The following PLEKHG4B variants were observed in gnomAD, a reference collection of about 807,000 sequenced individuals.
PLEKHG4B encodes the protein pleckstrin homology and RhoGEF domain containing G4B, also known as pleckstrin homology domain-containing family G member 4B.
Under a neutral mutation model 121.3 loss-of-function variants are expected in PLEKHG4B, and 111 were observed. The observed-to-expected ratio is 0.92, with a 90% CI of 0.78 to 1.07. PLEKHG4B has a LOEUF of 1.07. Ranked by LOEUF, PLEKHG4B falls within the 50% of genes least tolerant of loss-of-function variation. PLEKHG4B has a pLI of 0.00. For missense variants in PLEKHG4B, 1,831 were observed against 1,757.8 expected (o/e 1.04, Z -0.74); for synonymous variants, 738 against 725.0 (o/e 1.02, Z -0.29).
chr5:149,064 T>A (rs916892218), intron 6 of PLEKHG4B, among the ~76,000 whole-genome samples: 1 of 152,154 alleles, frequency 6.6e-6, no homozygotes, highest in East Asian at 1.9e-4. Context: ...ATATAAAAAA[T>A]TAACTCAAAT....
chr5:110,514 A>C (rs1206013002), intron 1 of PLEKHG4B, among the ~76,000 whole-genome samples: 1 of 146,934 alleles, frequency 6.8e-6, no homozygotes, highest in Non-Finnish European at 1.5e-5. Flanking sequence ...TCTGCAACAC[A>C]CATGCACACA....
At chr5:133,804 C>A (rs913660371) in intron 2 of PLEKHG4B, among the ~76,000 whole-genome samples, 4 of 151,528 alleles carry the variant, frequency 2.6e-5, no homozygotes, top group African/African-American at 9.7e-5. Flanking sequence ...TAAAAGAAGT[C>A]ATTATACAAA....
At position 163,189 on chromosome 5, in the gene PLEKHG4B, C is replaced by T; in HGVS notation, c.3117C>T (p.Leu1039=). Residue 1039 remains leucine, a synonymous_variant, in exon 13 of 20, where the codon CTC becomes CTT. Coordinates refer to ENST00000637938, the MANE Select transcript of PLEKHG4B (RefSeq NM_052909.5). ...GLCALWDPLS[L]LRGLPGAGAT... Reference sequence around the variant, plus strand: ...GTGCTCTGTGGGACCCACTGTCCCTCCTCAGGGGCCTTCCAGGGGCAGGGG... The same window carrying T: ...GTGCTCTGTGGGACCCACTGTCCCTTCTCAGGGGCCTTCCAGGGGCAGGGG... 6.3e-7 allele frequency: 1 copy of T among 1,583,300 alleles called. No individual in the cohort carries two copies. Among genetic ancestry groups the T allele is most frequent in the South Asian group, 1.2e-5 (1 of 84,722 alleles).
chr5:164,849 GAC>G (rs1257475670), intron 13 of PLEKHG4B, among the ~76,000 whole-genome samples: 17 of 124,274 alleles, frequency 1.4e-4, no homozygotes, highest in African/African-American at 5.5e-4. Flanking sequence ...CTAATGCTGT[GAC>G]AGGGGGCGGG....
At chr5:122,613 GT>G (rs1198598367) in intron 2 of PLEKHG4B, among the ~76,000 whole-genome samples, 6 of 151,980 alleles carry the variant, frequency 3.9e-5, no homozygotes, top group Admixed American at 2.0e-4. Flanking sequence ...TAGAGATGGG[GT>G]TTCACCATGT....
intron 1 of PLEKHG4B, among the ~76,000 whole-genome samples, chr5:111,228 A>G (rs772903296): frequency 6.6e-6 from 1 of 152,382 alleles, no homozygotes; most frequent in East Asian, 1.9e-4. Context: ...AACCTGGTTC[A>G]TGGCTCACTT....
At position 144,888 on chromosome 5, in the gene PLEKHG4B, C is replaced by T; in HGVS notation, c.1873C>T (p.Pro625Ser). The T allele has an allele frequency of 2.5e-6, 4 of 1,613,378 alleles. No individual in the cohort carries two copies. Among genetic ancestry groups the T allele is most frequent in the Non-Finnish European group, 3.4e-6 (4 of 1,179,970 alleles). Reference sequence around the variant, plus strand: ...GGATGCACGCAGGAGTCCAGCTGCCCCTGCCGTCTCCCAGGCCCTCTCAGG... The same window carrying T: ...GGATGCACGCAGGAGTCCAGCTGCCTCTGCCGTCTCCCAGGCCCTCTCAGG... ...LVDARRSPAA[P>S]AVSQALSGLQ... Residue 625 changes from proline to serine, a missense_variant, in exon 6 of 20, where the codon CCT (proline) becomes TCT (serine). Physicochemically the swap from Pro to Ser is moderately conservative, Grantham distance 74 (BLOSUM62 -1). Transcript: ENST00000637938.
At chr5:121,119 T>G (rs892343098) in intron 2 of PLEKHG4B, among the ~76,000 whole-genome samples, 12 of 151,516 alleles carry the variant, frequency 7.9e-5, no homozygotes, top group African/African-American at 2.9e-4. Flanking sequence ...TGGTGGCGGG[T>G]GCCTGTAGTC....
chr5:156,203 G>C lies in PLEKHG4B; in HGVS notation c.2341G>C (p.Asp781His). 2.6e-6 allele frequency: 4 copies of C among 1,525,384 alleles called. No homozygotes were observed. The highest frequency in any genetic ancestry group is 3.5e-6 in the Non-Finnish European group (4 of 1,132,886). 94.5% of individuals were successfully genotyped at this position (1,525,384 alleles called of 1,614,324 possible). Residue 781 changes from aspartate (D) to histidine (H), a missense_variant, in exon 10 of 20, where the codon GAC becomes CAC. Transcript: ENST00000637938. This position sits in a 1 kb window ranked among gnomAD's most constrained non-coding sequence, Gnocchi z 4.4. The part of the protein sequence containing the change: ...RLRREELGTE[D>H]SRDTLEAATS... ...GAGGAGAGAAGAGCTTGGCACAGAA[G>C]ACAGCCGGTGAGCGCTCACAGGGGT...
At chr5:167,704 G>C (rs555695267) in intron 13 of PLEKHG4B, among the ~76,000 whole-genome samples, 1 of 152,342 alleles carries the variant, frequency 6.6e-6, no homozygotes, top group East Asian at 1.9e-4. Context: ...CCGCCGCCCA[G>C]GCCAGGCTTT....
At chr5:176,574 G>C (rs1736768117) in intron 18 of PLEKHG4B, among the ~76,000 whole-genome samples, 1 of 152,216 alleles carries the variant, frequency 6.6e-6, no homozygotes, top group Admixed American at 6.5e-5. Flanking sequence ...ACAGCAACTT[G>C]ATTACTACAG....
intron 1 of PLEKHG4B, among the ~76,000 whole-genome samples, chr5:109,096 C>T (rs865851766): frequency 2.0e-5 from 3 of 152,178 alleles, no homozygotes; most frequent in Admixed American, 6.5e-5. Flanking sequence ...GTGGGTCCCC[C>T]GCTGTCCCCA....
At chr5:106,457 C>A (rs1281346655) in intron 1 of PLEKHG4B, among the ~76,000 whole-genome samples, 1 of 152,162 alleles carries the variant, frequency 6.6e-6, no homozygotes, top group East Asian at 1.9e-4. Flanking sequence ...TATTAAAATA[C>A]TTGCATATTT....
chr5:162,976 G>A lies in PLEKHG4B; in HGVS notation c.2904G>A (p.Pro968=), dbSNP rs142139740. The change falls in exon 13 of 20, where the codon CCG becomes CCA. Residue 968 remains proline (P), a synonymous_variant. Coordinates refer to ENST00000637938, the MANE Select transcript of PLEKHG4B (RefSeq NM_052909.5). ...LSEAAPDPSL[P]PLAQSPPKHE... ...AGGCTGCCCCAGACCCCAGCTTACC[G>A]CCCCTTGCCCAGAGCCCCCCAAAGC... 8.3e-4 allele frequency: 1,303 copies of A among 1,565,980 alleles called. No individual in the cohort carries two copies. Among genetic ancestry groups the A allele is most frequent in the Non-Finnish European group, 1.1e-3 (1,229 of 1,155,604 alleles).
chr5:144,970 G>A (rs377204835), intron 6 of PLEKHG4B, 50 bp downstream of exon 6: 104 of 1,521,150 alleles, frequency 6.8e-5, no homozygotes, highest in East Asian at 9.1e-5. Flanking sequence ...TCGTAGGGCC[G>A]TGTGTTGCTG....
At chr5:132,271 G>A (rs1734802565) in intron 2 of PLEKHG4B, among the ~76,000 whole-genome samples, 1 of 152,056 alleles carries the variant, frequency 6.6e-6, no homozygotes, top group Admixed American at 6.6e-5. Flanking sequence ...AAACCCTAAA[G>A]ATTTTATAAA....
chr5:172,650 T>C (rs1208168669), intron 16 of PLEKHG4B, among the ~76,000 whole-genome samples: 1 of 152,140 alleles, frequency 6.6e-6, no homozygotes, highest in East Asian at 1.9e-4. Flanking sequence ...GCCCAGAGGG[T>C]CAAACGGGAG....
chr5:144,118 G>A (rs1579285028), intron 5 of PLEKHG4B: 2 of 154,148 alleles, frequency 1.3e-5, no homozygotes, highest in East Asian at 3.8e-4. Context: ...AGTGAGAAGG[G>A]GGAAAGAATA....
intron 1 of PLEKHG4B, among the ~76,000 whole-genome samples, chr5:104,083 G>A (rs1428707541): frequency 7.3e-6 from 1 of 137,362 alleles, no homozygotes; most frequent in Non-Finnish European, 1.5e-5. Context: ...TCCCAGCACC[G>A]ATTCCTAAAC....
Sources: allele counts gnomAD v4.1 joint callset (sites outside exome capture counted in the v4.1 genomes callset), GRCh38; gene constraint gnomAD v4.1.1; non-coding constraint Gnocchi (gnomAD v3.1); transcripts MANE v1.5; gene names NCBI Gene and HGNC (gene_info 2026-07-23, HGNC 2026-07-21).